Variants in TSGA10IP observed in about 807,000 individuals in gnomAD.
The protein encoded by TSGA10IP is testis specific 10 interacting protein.
Under a neutral mutation model 63.2 loss-of-function variants are expected in TSGA10IP, and 64 were observed. That is an observed-to-expected ratio of 1.01 (90% CI 0.83 to 1.25). The LOEUF (loss-of-function observed/expected upper bound fraction) is 1.25. TSGA10IP is among the 50% of genes most tolerant of loss of function. The pLI is 0.00. For missense variants in TSGA10IP, 681 were observed against 710.1 expected (o/e 0.96, Z 0.47); for synonymous variants, 316 against 298.3 (o/e 1.06, Z -0.61).
At chr11:65,956,736 C>T (rs978937180) in intron 5 of TSGA10IP, among the ~76,000 whole-genome samples, 2 of 151,254 alleles carry the variant, frequency 1.3e-5, no homozygotes, top group African/African-American at 4.9e-5. Context: ...CACCATATTG[C>T]CCCAGCTGTC....
intron 5 of TSGA10IP, among the ~76,000 whole-genome samples, chr11:65,954,609 C>CA (rs1854994991): frequency 6.6e-6 from 1 of 151,940 alleles, no homozygotes; most frequent in Non-Finnish European, 1.5e-5. Flanking sequence ...AAGTTTATTG[C>CA]AAAGCAAAGG....
chr11:65,950,098 G>A (rs569632339), intron 4 of TSGA10IP, among the ~76,000 whole-genome samples: 7 of 151,808 alleles, frequency 4.6e-5, no homozygotes, highest in Admixed American at 6.6e-5. Flanking sequence ...TGATCTGCCC[G>A]CCTCAGCCTC....
intron 5 of TSGA10IP, among the ~76,000 whole-genome samples, chr11:65,954,205 G>A (rs902611434): frequency 8.2e-5 from 12 of 146,428 alleles, no homozygotes; most frequent in African/African-American, 3.0e-4. Context: ...TCGCTCTGTC[G>A]CCCAGGCTGG....
chr11:65,952,896 T>C lies in TSGA10IP; in HGVS notation c.1152-671T>C, dbSNP rs190364967. Among the ~76,000 whole-genome samples the C allele has an allele frequency of 2.9e-3, 434 of 152,160 alleles. 9 individuals are homozygous for C. Among genetic ancestry groups the C allele is most frequent in the Admixed American group, 0.027 (413 of 15,266 alleles). ...GGTTCTATATTAATTTAAAATTGTT[T>C]TTTCTATTTCTGTGAAAAATGTCAT... On this transcript the variant is annotated intron_variant, in intron 4 of 7. Transcript: ENST00000532620.
chr11:65,953,881 C>G, intron 5 of TSGA10IP, 144 bp downstream of exon 5: 4 of 611,020 alleles, frequency 6.5e-6, no homozygotes. Flanking sequence ...GATAAGGACG[C>G]TGAGGCATGG....
At chr11:65,957,892 C>A (rs1289370046) in intron 5 of TSGA10IP, among the ~76,000 whole-genome samples, 1 of 152,190 alleles carries the variant, frequency 6.6e-6, no homozygotes, top group Non-Finnish European at 1.5e-5. Context: ...AGAGTGCTCT[C>A]TTCATGAGTG....
chr11:65,953,628 C>T (rs1480489189), exon 5 of TSGA10IP: 21 of 1,586,034 alleles, frequency 1.3e-5, no homozygotes, highest in Non-Finnish European at 1.6e-5. Flanking sequence ...CGAGCTGCGG[C>T]GGGCCCGGAC....
At chr11:65,951,162 T>C (rs56252769) in intron 4 of TSGA10IP, among the ~76,000 whole-genome samples, 32,218 of 152,108 alleles carry the variant, frequency 0.21, 4,127 homozygotes, top group South Asian at 0.38. Flanking sequence ...GCAATGAACA[T>C]AGGAGTACAG....
intron 5 of TSGA10IP, among the ~76,000 whole-genome samples, chr11:65,955,881 G>A (rs1010211326): frequency 4.6e-5 from 7 of 152,110 alleles, no homozygotes; most frequent in Admixed American, 3.3e-4. Flanking sequence ...CAAATCCTCC[G>A]CTTTTAGACG....
At chr11:65,959,293 A>G (rs1240454815) in exon 7 of TSGA10IP, 2 of 1,611,356 alleles carry the variant, frequency 1.2e-6, no homozygotes, top group African/African-American at 2.7e-5. Context: ...GTGGACAGAG[A>G]GGGCACCCCC....
At chr11:65,957,580 G>A (rs1338223767) in intron 5 of TSGA10IP, among the ~76,000 whole-genome samples, 1 of 152,216 alleles carries the variant, frequency 6.6e-6, no homozygotes, top group Non-Finnish European at 1.5e-5. Context: ...CGGGCCATGG[G>A]TTTTCAAGTC....
rs540609428 is a variant in TSGA10IP at position 65,952,436 on chromosome 11, GGTGT to G, written c.1152-1120_1152-1117del. ...TTCTTTTGTGTGTGTGTGTGTGTGT[GGTGT>G]GTGTGTGTGTATGTGTCTGTGTGTG... On this transcript the variant is annotated intron_variant, in intron 4 of 7. Transcript: ENST00000532620. Among the ~76,000 whole-genome samples, 14 of 150,774 alleles carry G rather than the reference GGTGT, an allele frequency of 9.3e-5. No individual in the cohort carries two copies. The South Asian group carries it at 2.5e-3, about 27-fold the overall frequency.
At chr11:65,959,772 G>A in intron 7 of TSGA10IP, 45 bp from the exon 8 acceptor site, 2 of 1,520,866 alleles carry the variant, frequency 1.3e-6, no homozygotes, top group South Asian at 1.2e-5. Context: ...CTTGGGCATG[G>A]GGGTGGGAGC....
intron 5 of TSGA10IP, among the ~76,000 whole-genome samples, chr11:65,956,048 C>T (rs538513442): frequency 1.3e-5 from 2 of 152,096 alleles, no homozygotes; most frequent in South Asian, 2.1e-4. Context: ...TCCTTTGGTC[C>T]GTGGCAAGTG....
intron 4 of TSGA10IP, among the ~76,000 whole-genome samples, chr11:65,948,589 T>A (rs780434890): frequency 7.2e-5 from 11 of 151,956 alleles, no homozygotes; most frequent in Non-Finnish European, 1.5e-4. Context: ...GGTAGGAGGA[T>A]CTCTTGAGTT....
chr11:65,947,615 C>A, exon 3 of TSGA10IP: 1 of 1,613,694 alleles, frequency 6.2e-7, no homozygotes, highest in Non-Finnish European at 8.5e-7. Flanking sequence ...GCACAGGACT[C>A]CCTGCAGAAG....
At chr11:65,958,187 C>T (rs2134889110) in intron 5 of TSGA10IP, among the ~76,000 whole-genome samples, 1 of 152,300 alleles carries the variant, frequency 6.6e-6, no homozygotes, top group African/African-American at 2.4e-5. Context: ...TCAAGTGATC[C>T]ACCCTCCTTG....
chr11:65,953,573 G>A (rs757131115), exon 5 of TSGA10IP: 2 of 1,583,842 alleles, frequency 1.3e-6, no homozygotes, highest in East Asian at 2.3e-5. Context: ...CAAGGAGCCT[G>A]CTGCAGGCCT....
At chr11:65,947,320 G>A (rs778360279) in exon 3 of TSGA10IP, 14 of 1,612,252 alleles carry the variant, frequency 8.7e-6, no homozygotes, top group African/African-American at 1.3e-5. Flanking sequence ...GGAAGACAGA[G>A]GCGCAAAACC....
Sources: allele counts gnomAD v4.1 joint callset (sites outside exome capture counted in the v4.1 genomes callset), GRCh38; gene constraint gnomAD v4.1.1; transcripts MANE v1.5; gene names NCBI Gene and HGNC (gene_info 2026-07-23, HGNC 2026-07-21).